Variants in GPC5 observed in about 807,000 individuals in gnomAD.
GPC5 encodes the protein glypican 5.
Under a neutral mutation model 53.9 loss-of-function variants are expected in GPC5, and 47 were observed. The ratio of observed to expected loss-of-function variants is 0.87; its 90% confidence interval spans 0.69 to 1.11. The LOEUF (loss-of-function observed/expected upper bound fraction) is 1.11, where lower values mean the gene tolerates loss of function less well. Ranked by LOEUF, GPC5 falls within the 50% of genes most tolerant of loss-of-function variation. The pLI, the probability that GPC5 is intolerant of heterozygous loss-of-function variation, is 0.00. For synonymous variants in GPC5, 286 were observed against 263.3 expected (o/e 1.09, Z -0.84); for missense variants, 748 against 713.1 (o/e 1.05, Z -0.56).
chr13:92,073,824 A>G (rs1413282961), intron 6 of GPC5, among the ~76,000 whole-genome samples: 1 of 152,118 alleles, frequency 6.6e-6, no homozygotes. Context: ...TGGTTACCAT[A>G]ATCCCCACGT....
intron 5 of GPC5, among the ~76,000 whole-genome samples, chr13:91,872,983 A>G (rs1324060821): frequency 1.3e-5 from 2 of 152,160 alleles, no homozygotes; most frequent in Non-Finnish European, 1.5e-5. Context: ...TTAATCCACC[A>G]TCTCTGTATT....
intron 7 of GPC5, among the ~76,000 whole-genome samples, chr13:92,275,241 A>G (rs1393358046): frequency 1.3e-5 from 2 of 152,280 alleles, no homozygotes; most frequent in East Asian, 1.9e-4. Context: ...TCTTTAAAAT[A>G]CACACAGGCT....
At chr13:92,810,022 C>G (rs948869964) in intron 7 of GPC5, among the ~76,000 whole-genome samples, 2 of 152,010 alleles carry the variant, frequency 1.3e-5, no homozygotes, top group African/African-American at 4.8e-5. Context: ...GGAATTCTTA[C>G]TATAAAAGAG....
At chr13:92,332,786 C>T (rs1279679605) in intron 7 of GPC5, among the ~76,000 whole-genome samples, 1 of 152,154 alleles carries the variant, frequency 6.6e-6, no homozygotes, top group Non-Finnish European at 1.5e-5. Context: ...TATATAGGCT[C>T]TGCCTTAATG....
chr13:92,324,762 CTT>C (rs2043239170), intron 7 of GPC5, among the ~76,000 whole-genome samples: 1 of 151,676 alleles, frequency 6.6e-6, no homozygotes, highest in African/African-American at 2.4e-5. Flanking sequence ...ATGTTAGTGA[CTT>C]GACTTTCTCA....
intron 7 of GPC5, among the ~76,000 whole-genome samples, chr13:92,694,187 C>A (rs1887494075): frequency 6.6e-6 from 1 of 152,200 alleles, no homozygotes; most frequent in South Asian, 2.1e-4. Flanking sequence ...CAGAAGTCTG[C>A]TGCAGAGGCA....
At chr13:91,897,733 A>T (rs2039458099) in intron 5 of GPC5, among the ~76,000 whole-genome samples, 1 of 152,208 alleles carries the variant, frequency 6.6e-6, no homozygotes, top group Non-Finnish European at 1.5e-5. Context: ...TAAATGTATT[A>T]GAAAACATTT....
chr13:92,812,672 C>T (rs1461185517), intron 7 of GPC5, among the ~76,000 whole-genome samples: 1 of 151,780 alleles, frequency 6.6e-6, no homozygotes, highest in South Asian at 2.1e-4. Context: ...AAGTAAAACT[C>T]TATTTTCAGA....
At chr13:91,991,625 G>C (rs2040457341) in intron 6 of GPC5, among the ~76,000 whole-genome samples, 2 of 151,978 alleles carry the variant, frequency 1.3e-5, no homozygotes, top group Non-Finnish European at 2.9e-5. Context: ...TCAAGTTGTA[G>C]AACTGGTGTG....
intron 6 of GPC5, among the ~76,000 whole-genome samples, chr13:91,958,857 A>T (rs1296767782): frequency 6.6e-6 from 1 of 152,070 alleles, no homozygotes; most frequent in East Asian, 1.9e-4. Context: ...ACATACTCAA[A>T]TCTATGGAAT....
chr13:92,216,499 T>A (rs988219568), intron 7 of GPC5, among the ~76,000 whole-genome samples: 22 of 152,164 alleles, frequency 1.4e-4, no homozygotes, highest in African/African-American at 5.3e-4. Context: ...CCAGATGTGG[T>A]GATCTGGAAA....
At chr13:92,369,787 C>T (rs933776166) in intron 7 of GPC5, among the ~76,000 whole-genome samples, 1 of 152,124 alleles carries the variant, frequency 6.6e-6, no homozygotes, top group African/African-American at 2.4e-5. Flanking sequence ...CATATAGTAA[C>T]TGGAATTAAT....
intron 7 of GPC5, among the ~76,000 whole-genome samples, chr13:92,707,810 T>C (rs887276685): frequency 1.3e-5 from 2 of 152,086 alleles, no homozygotes; most frequent in African/African-American, 4.8e-5. Flanking sequence ...CTCATATAAG[T>C]TGCAAAGTGA....
intron 5 of GPC5, among the ~76,000 whole-genome samples, chr13:91,840,293 A>G (rs1028626234): frequency 1.3e-5 from 2 of 152,076 alleles, no homozygotes; most frequent in Admixed American, 6.6e-5. Flanking sequence ...TTTAGCAACC[A>G]TCTGTATTAT....
Position 91,650,750 on chromosome 13 carries a change from G to GTTTTTTTTTTTTTTTTT in GPC5, c.326-42431_326-42415dup, listed in dbSNP as rs67507888. Among the ~76,000 whole-genome samples, 326 of 99,578 alleles carry GTTTTTTTTTTTTTTTTT rather than the reference G, an allele frequency of 3.3e-3. 10 individuals are homozygous for GTTTTTTTTTTTTTTTTT. Among genetic ancestry groups the GTTTTTTTTTTTTTTTTT allele is most frequent in the African/African-American group, 5.6e-3 (138 of 24,654 alleles). 65.3% of individuals were successfully genotyped at this position (99,578 alleles called of 152,430 possible). ...CATCTGTGAAACAAAATTCCCATAA[G>GTTTTTTTTTTTTTTTTT]TTTTTTTTTTTTTTTTTTTTTTAGC... On this transcript the variant is annotated intron_variant, in intron 2 of 7. Coordinates refer to ENST00000377067, the MANE Select transcript of GPC5 (RefSeq NM_004466.6).
At chr13:91,829,886 G>C (rs1040884433) in intron 5 of GPC5, among the ~76,000 whole-genome samples, 15 of 152,054 alleles carry the variant, frequency 9.9e-5, no homozygotes, top group African/African-American at 3.6e-4. Flanking sequence ...CAAGGTCATA[G>C]AATATCACAA....
chr13:91,965,625 C>A (rs2040173410), intron 6 of GPC5, among the ~76,000 whole-genome samples: 1 of 152,076 alleles, frequency 6.6e-6, no homozygotes, highest in Non-Finnish European at 1.5e-5. Flanking sequence ...GGTATTAATT[C>A]ACAAGGGTTC....
chr13:92,123,546 A>G (rs2041668551), intron 6 of GPC5, among the ~76,000 whole-genome samples: 1 of 152,210 alleles, frequency 6.6e-6, no homozygotes, highest in Admixed American at 6.5e-5. Context: ...ACTTGCAAAA[A>G]TGTGGCAAAG....
At chr13:92,399,948 T>G (rs1011567817) in intron 7 of GPC5, among the ~76,000 whole-genome samples, 1 of 152,212 alleles carries the variant, frequency 6.6e-6, no homozygotes, top group Non-Finnish European at 1.5e-5. Context: ...TATTTGTGGT[T>G]GACTGACTGT....
Sources: allele counts gnomAD v4.1 joint callset (sites outside exome capture counted in the v4.1 genomes callset), GRCh38; gene constraint gnomAD v4.1.1; transcripts MANE v1.5; gene names NCBI Gene and HGNC (gene_info 2026-07-23, HGNC 2026-07-21).